DPP10: variants seen among roughly 807,000 people sequenced by gnomAD.
DPP10 encodes inactive dipeptidyl peptidase 10.
Under a neutral mutation model 120.9 loss-of-function variants are expected in DPP10, and 33 were observed. That is an observed-to-expected ratio of 0.27 (90% CI 0.21 to 0.37). The LOEUF is 0.37. DPP10 is among the 10% of genes least tolerant of loss of function. DPP10 has a pLI of 1.00. For missense variants in DPP10, 816 were observed against 942.8 expected, an observed-to-expected ratio of 0.87 and a Z score of 1.76; for synonymous variants, 337 against 326.1, an observed-to-expected ratio of 1.03 and a Z score of -0.36.
At chr2:115,806,050 G>T (rs909435007) in intron 19 of DPP10, among the ~76,000 whole-genome samples, 3 of 152,108 alleles carry the variant, frequency 2.0e-5, no homozygotes, top group Admixed American at 1.3e-4. Flanking sequence ...TGCCATACAA[G>T]CTTTTATTAC....
intron 20 of DPP10, 25 bp downstream of exon 20, chr2:115,815,012 T>C (rs758727987): frequency 1.3e-6 from 2 of 1,565,516 alleles, no homozygotes; most frequent in Admixed American, 1.7e-5. Flanking sequence ...ATTTTTCTTC[T>C]CTGTTTTCTA....
chr2:115,775,197 G>T (rs1451941654), intron 13 of DPP10, among the ~76,000 whole-genome samples: 1 of 151,044 alleles, frequency 6.6e-6, no homozygotes, highest in Admixed American at 6.6e-5. Flanking sequence ...AAAAGGAAGA[G>T]AATAAATTCA....
intron 5 of DPP10, among the ~76,000 whole-genome samples, chr2:115,660,209 C>A (rs1407345036): frequency 6.6e-6 from 1 of 152,164 alleles, no homozygotes; most frequent in African/African-American, 2.4e-5. Flanking sequence ...CATTACAGAT[C>A]TATTGACATA....
intron 1 of DPP10, among the ~76,000 whole-genome samples, chr2:114,810,677 T>C (rs1685101818): frequency 6.6e-6 from 1 of 152,222 alleles, no homozygotes; most frequent in Non-Finnish European, 1.5e-5. Context: ...ATGTTAGTTT[T>C]ATGTTACTAT....
chr2:115,040,275 A>T (rs1704537813), intron 1 of DPP10, among the ~76,000 whole-genome samples: 1 of 151,876 alleles, frequency 6.6e-6, no homozygotes, highest in South Asian at 2.1e-4. Flanking sequence ...GGAATATTTA[A>T]TGTAGACATG....
chr2:114,767,743 C>T (rs1488936194), intron 1 of DPP10, among the ~76,000 whole-genome samples: 1 of 152,064 alleles, frequency 6.6e-6, no homozygotes, highest in Non-Finnish European at 1.5e-5. Context: ...CCATGTGATT[C>T]CAGGGGTTGA....
At chr2:115,457,637 T>A (rs1425082878) in intron 3 of DPP10, among the ~76,000 whole-genome samples, 2 of 150,156 alleles carry the variant, frequency 1.3e-5, no homozygotes, top group Non-Finnish European at 3.0e-5. Flanking sequence ...ATGAAATACC[T>A]CTATATATCT....
intron 3 of DPP10, among the ~76,000 whole-genome samples, chr2:115,461,206 T>C (rs1041656410): frequency 2.7e-5 from 3 of 111,638 alleles, no homozygotes; most frequent in African/African-American, 1.3e-4. Flanking sequence ...GATTTGATGC[T>C]TTTTTTTTTA....
chr2:115,287,298 T>G (rs2105907071), intron 1 of DPP10, among the ~76,000 whole-genome samples: 1 of 152,232 alleles, frequency 6.6e-6, no homozygotes, highest in Non-Finnish European at 1.5e-5. Context: ...TAATTAATTT[T>G]TTAAAATTTC....
intron 1 of DPP10, among the ~76,000 whole-genome samples, chr2:114,474,218 A>G (rs1341346711): frequency 6.6e-6 from 1 of 152,244 alleles, no homozygotes; most frequent in Non-Finnish European, 1.5e-5. Context: ...GGCCTCCCAA[A>G]GTGCTGGGAC....
intron 1 of DPP10, among the ~76,000 whole-genome samples, chr2:114,683,798 C>T (rs1459936948): frequency 6.6e-6 from 1 of 151,862 alleles, no homozygotes; most frequent in African/African-American, 2.4e-5. Flanking sequence ...CTGCAGAAAG[C>T]TCAGGGACAT....
intron 1 of DPP10, among the ~76,000 whole-genome samples, chr2:115,130,543 TTCA>T (rs1273687476): frequency 2.0e-5 from 3 of 148,668 alleles, no homozygotes; most frequent in Non-Finnish European, 2.9e-5. Context: ...CATCCATCCA[TTCA>T]TCTTCAGCTT....
chr2:114,811,030 A>G (rs1016344354), intron 1 of DPP10, among the ~76,000 whole-genome samples: 3 of 152,144 alleles, frequency 2.0e-5, no homozygotes, highest in Non-Finnish European at 4.4e-5. Context: ...TCTCTCCTTT[A>G]GATGCATTTT....
At chr2:114,701,703 T>C (rs1438223596) in intron 1 of DPP10, among the ~76,000 whole-genome samples, 1 of 152,090 alleles carries the variant, frequency 6.6e-6, no homozygotes, top group Non-Finnish European at 1.5e-5. Context: ...GAGTGCCAAC[T>C]ACATCCAAGG....
chr2:114,678,972 G>T (rs1293085716), intron 1 of DPP10, among the ~76,000 whole-genome samples: 1 of 151,992 alleles, frequency 6.6e-6, no homozygotes, highest in Non-Finnish European at 1.5e-5. Context: ...TCAGCAGGTT[G>T]TTTCTGACTA....
chr2:115,091,340 T>C (rs1709238558), intron 1 of DPP10, among the ~76,000 whole-genome samples: 1 of 152,250 alleles, frequency 6.6e-6, no homozygotes, highest in Non-Finnish European at 1.5e-5. Context: ...TTCAGATTCA[T>C]TCACTCACTT....
At chr2:115,152,078 G>A (rs1209978492) in intron 1 of DPP10, among the ~76,000 whole-genome samples, 1 of 151,794 alleles carries the variant, frequency 6.6e-6, no homozygotes, top group Non-Finnish European at 1.5e-5. Context: ...AAAATAATAT[G>A]TTACACTTTT....
At chr2:115,770,078 A>G (rs892672314) in intron 13 of DPP10, among the ~76,000 whole-genome samples, 1 of 152,058 alleles carries the variant, frequency 6.6e-6, no homozygotes, top group African/African-American at 2.4e-5. Context: ...TCTATCCTTG[A>G]CTGTAGGTAC....
intron 3 of DPP10, among the ~76,000 whole-genome samples, chr2:115,396,474 ATTTCTCCCATGTGGTCTG>A (rs1431468120): frequency 6.6e-6 from 1 of 152,304 alleles, no homozygotes; most frequent in African/African-American, 2.4e-5. Context: ...AACTCAAGCC[ATTTCTCCCATGTGGTCTG>A]TTTTAAAAAT....
Sources: allele counts gnomAD v4.1 joint callset (sites outside exome capture counted in the v4.1 genomes callset), GRCh38; gene constraint gnomAD v4.1.1; transcripts MANE v1.5; gene names NCBI Gene and HGNC (gene_info 2026-07-23, HGNC 2026-07-21).